The following FRMD1 variants were observed in gnomAD, a reference collection of about 807,000 sequenced individuals.
The protein encoded by FRMD1 is FERM domain-containing protein 1.
FRMD1 carries 51 observed loss-of-function variants against 54.9 expected under a neutral mutation model. That is an observed-to-expected ratio of 0.93 (90% CI 0.74 to 1.17). The LOEUF (loss-of-function observed/expected upper bound fraction) is 1.17, where lower values mean the gene tolerates loss of function less well. FRMD1 is among the 50% of genes most tolerant of loss of function. FRMD1 has a pLI of 0.00. For missense variants in FRMD1, 729 were observed against 743.0 expected (o/e 0.98, Z 0.22); for synonymous variants, 324 against 306.4 (o/e 1.06, Z -0.60).
chr6:168,074,166 C>T (rs1455077785), intron 2 of FRMD1, among the ~76,000 whole-genome samples: 3 of 152,136 alleles, frequency 2.0e-5, no homozygotes, highest in South Asian at 2.1e-4. Flanking sequence ...TGGGTTCTCA[C>T]GGCTCTTCCA....
chr6:168,063,668 A>G lies in FRMD1; in HGVS notation c.737T>C (p.Met246Thr). ...GCAGGCCTCCTGGATGAAGCACAGC[A>G]TGGCCTCCTTGGGGCTCAGGCCCTG... ...ERQGLSPKEAMLCFIQEACRL... is the reference protein window; with the variant it reads ...ERQGLSPKEATLCFIQEACRL... Residue 246 changes from methionine to threonine, a missense_variant, in exon 6 of 11, where the codon ATG (methionine) becomes ACG (threonine). Transcript: ENST00000283309. 3.1e-6 allele frequency: 5 copies of G among 1,613,872 alleles called. No homozygotes were observed. Among genetic ancestry groups the G allele is most frequent in the Non-Finnish European group, 4.2e-6 (5 of 1,179,888 alleles).
intron 2 of FRMD1, among the ~76,000 whole-genome samples, chr6:168,067,797 G>A (rs558887537): frequency 6.6e-6 from 1 of 152,260 alleles, no homozygotes; most frequent in African/African-American, 2.4e-5. Flanking sequence ...CTCAGCTATG[G>A]AATGAGTCGT....
chr6:168,083,653 C>T (rs1800874510), upstream of FRMD1, among the ~76,000 whole-genome samples: 1 of 152,172 alleles, frequency 6.6e-6, no homozygotes, highest in African/African-American at 2.4e-5. Flanking sequence ...CCCCTCTGCC[C>T]CTTGGGAGAC....
chr6:168,061,779 G>T (rs1299973848), intron 8 of FRMD1, 28 bp downstream of exon 8: 1 of 1,532,212 alleles, frequency 6.5e-7, no homozygotes, highest in South Asian at 1.2e-5. Flanking sequence ...TCCGGCTGCG[G>T]AGCCCAGCAT....
At position 168,064,919 on chromosome 6, in the gene FRMD1, C is replaced by A; in HGVS notation, c.600G>T (p.Ser200=). The change falls in exon 5 of 11, where the codon TCG becomes TCT. Residue 200 remains serine, a synonymous_variant. Coordinates refer to ENST00000283309, the MANE Select transcript of FRMD1 (RefSeq NM_024919.6). ...LQADLGEHRE[S]AHAGRYFEPH... ...GCTCGAAGTACCTCCCGGCATGGGC[C>A]GACTCCCGGTGCTCGCCCAGGTCAG... 6.2e-7 allele frequency: 1 copy of A among 1,603,336 alleles called. No homozygotes were observed. The highest frequency in any genetic ancestry group is 8.5e-7 in the Non-Finnish European group (1 of 1,175,624).
chr6:168,067,592 C>T, intron 2 of FRMD1, 146 bp from the exon 3 acceptor site: 1 of 597,920 alleles, frequency 1.7e-6, no homozygotes, highest in East Asian at 2.7e-5. Context: ...TGGGGCTTTC[C>T]TTGGCTGACA....
chr6:168,086,946 G>A (rs1800931611), intron 1 of FRMD1, among the ~76,000 whole-genome samples: 1 of 152,196 alleles, frequency 6.6e-6, no homozygotes, highest in Non-Finnish European at 1.5e-5. Context: ...GAGTGACCCA[G>A]CCGCCTCAGA....
intron 1 of FRMD1, among the ~76,000 whole-genome samples, chr6:168,087,465 T>C (rs7746701): frequency 0.038 from 5,723 of 152,282 alleles, 199 homozygotes; most frequent in African/African-American, 0.073. Flanking sequence ...CCCACTCCGA[T>C]AACAATGTCA....
chr6:168,075,883 ATTT>A, intron 1 of FRMD1: 12 of 545,590 alleles, frequency 2.2e-5, no homozygotes, highest in East Asian at 7.0e-5. Flanking sequence ...CGGTGTCCAC[ATTT>A]CCGGCGTCCC....
chr6:168,074,463 A>G (rs1562425107), intron 2 of FRMD1, among the ~76,000 whole-genome samples: 1 of 149,138 alleles, frequency 6.7e-6, no homozygotes, highest in African/African-American at 2.5e-5. Context: ...AACTGTGTGC[A>G]TGTGTGTGGT....
Position 168,063,656 on chromosome 6 carries a change from AT to A in FRMD1, c.748del (p.Ile250SerfsTer28), listed in dbSNP as rs1362593840. On this transcript the variant is annotated frameshift_variant, in exon 6 of 11. Coordinates refer to ENST00000283309, the MANE Select transcript of FRMD1 (RefSeq NM_024919.6). LOFTEE classifies it high-confidence loss of function. ...LSPKEAMLCF[I>X]QEACRLEDVP... is the part of the protein sequence containing the mutation. ...GTCCTCCAGCCGGCAGGCCTCCTGG[AT>A]GAAGCACAGCATGGCCTCCTTGGGG... is the stretch of plus-strand genomic sequence containing the variant. The A allele has an allele frequency of 6.2e-7, 1 of 1,613,794 alleles. No homozygotes were observed. Among genetic ancestry groups the A allele is most frequent in the East Asian group, 2.2e-5 (1 of 44,888 alleles).
At chr6:168,065,455 A>G (rs1799980225) in intron 4 of FRMD1, 2 of 1,005,314 alleles carry the variant, frequency 2.0e-6, no homozygotes, top group Non-Finnish European at 2.4e-6. Flanking sequence ...CCTGGCTCCC[A>G]GAGCTCACCG....
Position 168,059,423 on chromosome 6 carries a change from A to G in FRMD1, c.1343-235T>C, listed in dbSNP as rs1331642301. On this transcript the variant is annotated intron_variant, in intron 9 of 10. Transcript: ENST00000283309. The surrounding 1 kb of genome is among the most constrained non-coding windows in gnomAD (Gnocchi z 4.4). ...AGCACGGTGATTCCCGCTGGGTTAC[A>G]GGCCACAGAGCTTGCATACATCCTC... 6.6e-6 allele frequency among the ~76,000 whole-genome samples: 1 copy of G among 152,214 alleles called. No individual in the cohort carries two copies. Among genetic ancestry groups the G allele is most frequent in the Non-Finnish European group, 1.5e-5 (1 of 68,044 alleles).
upstream of FRMD1, among the ~76,000 whole-genome samples, chr6:168,084,680 C>G (rs373455197): frequency 4.6e-5 from 7 of 152,242 alleles, no homozygotes; most frequent in East Asian, 1.3e-3. Flanking sequence ...CCCGCTGGCT[C>G]AAACTCACCT....
intron 1 of FRMD1, among the ~76,000 whole-genome samples, chr6:168,088,045 G>A (rs1800951551): frequency 6.6e-6 from 1 of 152,106 alleles, no homozygotes; most frequent in African/African-American, 2.4e-5. Context: ...CCCCGAAAAG[G>A]CTCTCTCCCT....
At chr6:168,078,628 A>C (rs1583206742) in intron 1 of FRMD1, among the ~76,000 whole-genome samples, 1 of 77,182 alleles carries the variant, frequency 1.3e-5, no homozygotes. Flanking sequence ...GCTCACCCCC[A>C]CAGCCTTGCT....
upstream of FRMD1, among the ~76,000 whole-genome samples, chr6:168,083,043 T>C (rs1260732526): frequency 6.6e-6 from 1 of 152,170 alleles, no homozygotes; most frequent in Non-Finnish European, 1.5e-5. Flanking sequence ...TGAGTTTACA[T>C]GTGGAGCGCC....
At chr6:168,057,884 C>T (rs1799495227) in intron 10 of FRMD1, among the ~76,000 whole-genome samples, 1 of 152,244 alleles carries the variant, frequency 6.6e-6, no homozygotes. Flanking sequence ...AGATGAGGCC[C>T]CTGGTGGCAG....
rs1562431128 is a variant in FRMD1 at position 168,078,993 on chromosome 6, C to CCT, written c.100_101dup (p.Pro35GlyfsTer39). 1.2e-6 allele frequency: 2 copies of CCT among 1,612,278 alleles called. No homozygotes were observed. The highest frequency in any genetic ancestry group is 1.6e-4 in the Middle Eastern group (1 of 6,082). Reference sequence around the variant, plus strand: ...TCGGCTCCTGCTGACTGCATGCAGGCCTCTCAGGACTGGGTTCCATACATC... The same window carrying CCT: ...TCGGCTCCTGCTGACTGCATGCAGGCCTCTCTCAGGACTGGGTTCCATACATC... On this transcript the variant is annotated frameshift_variant, in exon 1 of 11. Coordinates refer to ENST00000283309, the MANE Select transcript of FRMD1 (RefSeq NM_024919.6). LOFTEE classifies it high-confidence loss of function.
Sources: allele counts gnomAD v4.1 joint callset (sites outside exome capture counted in the v4.1 genomes callset), GRCh38; gene constraint gnomAD v4.1.1; non-coding constraint Gnocchi (gnomAD v3.1); transcripts MANE v1.5; gene names NCBI Gene and HGNC (gene_info 2026-07-23, HGNC 2026-07-21).